The following SESN3 variants were observed in gnomAD, a reference collection of about 807,000 sequenced individuals.
SESN3 encodes sestrin 3.
In SESN3, 21 loss-of-function variants were observed where a neutral mutation model predicts 55.3. The observed-to-expected ratio is 0.38, with a 90% confidence interval of 0.27 to 0.55. SESN3 has a LOEUF of 0.55. SESN3 is among the 20% of genes least tolerant of loss of function. The probability of loss-of-function intolerance (pLI) is 0.76; values close to 1 mark genes in which losing one functional copy is unlikely to be tolerated. For missense variants in SESN3, 408 were observed against 604.3 expected (o/e 0.68, Z 3.41); for synonymous variants, 181 against 203.1 (o/e 0.89, Z 0.93).
intron 1 of SESN3, among the ~76,000 whole-genome samples, chr11:95,220,785 G>A (rs966057317): frequency 6.6e-6 from 1 of 152,152 alleles, no homozygotes; most frequent in African/African-American, 2.4e-5. Flanking sequence ...GTTCAACCTG[G>A]TTGCAAATCC....
Position 95,225,947 on chromosome 11 carries a change from G to C in SESN3, c.78+4836C>G, listed in dbSNP as rs561667496. Among the ~76,000 whole-genome samples, 26 of 150,830 alleles carry C rather than the reference G, an allele frequency of 1.7e-4. 1 individual carries two copies. The highest frequency in any genetic ancestry group is 6.3e-4 in the African/African-American group (26 of 41,000). Reference sequence around the variant, plus strand: ...TCAAGGAGGCAATTTAATTATTCGAGAATCAAAAGTCAATGCCTTGCTATT... The same window carrying C: ...TCAAGGAGGCAATTTAATTATTCGACAATCAAAAGTCAATGCCTTGCTATT... On this transcript the variant is annotated intron_variant, in intron 1 of 9. Transcript: ENST00000536441.
chr11:95,185,267 T>G lies in SESN3; in HGVS notation c.751A>C (p.Ser251Arg), dbSNP rs1279438411. Residue 251 changes from serine to arginine, a missense_variant, in exon 5 of 10, where the codon AGC (serine) becomes CGC (arginine). Transcript: ENST00000536441. Reference sequence around the variant, plus strand: ...CTAAGAAAACTAACCCCAAAGTTGCTGCCTGAAAGAGATGCATTCTCTATG... The same window carrying G: ...CTAAGAAAACTAACCCCAAAGTTGCGGCCTGAAAGAGATGCATTCTCTATG... ...NNIENASLSG[S>R]NFGIVDSLSE... The G allele has an allele frequency of 6.2e-7, 1 of 1,601,626 alleles. No individual in the cohort carries two copies. Among genetic ancestry groups the G allele is most frequent in the Non-Finnish European group, 8.5e-7 (1 of 1,170,056 alleles).
At chr11:95,223,859 G>A (rs1591080978) in intron 1 of SESN3, among the ~76,000 whole-genome samples, 1 of 152,208 alleles carries the variant, frequency 6.6e-6, no homozygotes, top group East Asian at 1.9e-4. Context: ...ACCCCAAAGA[G>A]CCTTTGTTTA....
chr11:95,231,325 G>A (rs1453805736), upstream of SESN3: 1 of 388,704 alleles, frequency 2.6e-6, no homozygotes, highest in East Asian at 3.7e-5. Flanking sequence ...AGCAACGAGA[G>A]CCCGACTGGG....
In SESN3 at chr11:95,166,255, C is replaced by T. The variant is rs978419894; in HGVS notation, c.*7000G>A. 2.8e-5 allele frequency: 4 copies of T among 142,510 alleles called. No homozygotes were observed. Among genetic ancestry groups the T allele is most frequent in the Non-Finnish European group, 6.2e-5 (4 of 64,244 alleles). 8.8% of individuals were successfully genotyped at this position (142,510 alleles called of 1,614,324 possible). A position where few individuals can be genotyped will look rare whatever the true frequency, so the allele number is the denominator to read the frequency against. On this transcript the variant is annotated 3_prime_UTR_variant, in exon 10 of 10. Coordinates refer to ENST00000536441, the MANE Select transcript of SESN3 (RefSeq NM_144665.4). The stretch of plus-strand genomic sequence containing the variant: ...CATCTGCCTTACATTAGTCCAGTCA[C>T]GTGCTTCGTAAAAAAAAAAAAAAAA...
intron 6 of SESN3, among the ~76,000 whole-genome samples, chr11:95,179,430 A>AT (rs1860021132): frequency 6.6e-6 from 1 of 151,976 alleles, no homozygotes. Flanking sequence ...CAGCTTAACC[A>AT]TTTTTTTGGT....
rs1859768027 is a variant in SESN3, at chr11:95,167,319, CT to C, written c.*5935del. On this transcript the variant is annotated 3_prime_UTR_variant, in exon 10 of 10. Transcript: ENST00000536441. ...TAGCAAAATTTACATAACAAAAATTCTATTCATCTTATTTAGACTTACTAAT... is the reference window on the plus strand; with the variant it reads ...TAGCAAAATTTACATAACAAAAATTCATTCATCTTATTTAGACTTACTAAT... 1 of 152,042 alleles carries C rather than the reference CT, an allele frequency of 6.6e-6. No individual in the cohort carries two copies. Among genetic ancestry groups the C allele is most frequent in the African/African-American group, 2.4e-5 (1 of 41,404 alleles). 9.4% of individuals were successfully genotyped at this position (152,042 alleles called of 1,614,324 possible). A position where few individuals can be genotyped will look rare whatever the true frequency, so the allele number is the denominator to read the frequency against.
chr11:95,219,690 A>T (rs1272554539), intron 1 of SESN3, among the ~76,000 whole-genome samples: 2 of 152,136 alleles, frequency 1.3e-5, no homozygotes, highest in Non-Finnish European at 2.9e-5. Flanking sequence ...AACTTCATTA[A>T]CACAGTTTTC....
chr11:95,217,102 T>C (rs1860772949), intron 1 of SESN3, among the ~76,000 whole-genome samples: 1 of 143,938 alleles, frequency 6.9e-6, no homozygotes, highest in Non-Finnish European at 1.5e-5. Flanking sequence ...CAAGACTCTG[T>C]CTCAAAAAAA....
At chr11:95,220,305 G>A (rs1007280003) in intron 1 of SESN3, among the ~76,000 whole-genome samples, 34 of 152,028 alleles carry the variant, frequency 2.2e-4, no homozygotes, top group East Asian at 1.2e-3. Context: ...GGTCCAATTC[G>A]CGAGACACAT....
intron 1 of SESN3, among the ~76,000 whole-genome samples, chr11:95,206,801 T>C (rs961877831): frequency 2.0e-5 from 3 of 150,924 alleles, no homozygotes; most frequent in Admixed American, 2.0e-4. Context: ...TAAACATTAC[T>C]ATTTTTTTTT....
intron 6 of SESN3, chr11:95,182,061 C>T (rs1397637017): frequency 8.5e-6 from 2 of 234,226 alleles, no homozygotes; most frequent in Non-Finnish European, 1.7e-5. Flanking sequence ...TAATTTTTGG[C>T]TAAGGTCCAA....
At chr11:95,202,314 CT>C (rs1448052783) in intron 1 of SESN3, among the ~76,000 whole-genome samples, 1 of 151,950 alleles carries the variant, frequency 6.6e-6, no homozygotes, top group African/African-American at 2.4e-5. Context: ...ATTTCTCCTC[CT>C]TGAACAGAAC....
chr11:95,202,466 G>A (rs1565470423), intron 1 of SESN3, among the ~76,000 whole-genome samples: 1 of 151,840 alleles, frequency 6.6e-6, no homozygotes, highest in African/African-American at 2.4e-5. Flanking sequence ...ATGCCTATTT[G>A]TTTATTTTCT....
intron 1 of SESN3, among the ~76,000 whole-genome samples, chr11:95,201,606 G>A (rs2134245205): frequency 6.6e-6 from 1 of 152,044 alleles, no homozygotes; most frequent in Non-Finnish European, 1.5e-5. Flanking sequence ...CCACTTCAAG[G>A]TAGCTCTAGA....
intron 9 of SESN3, among the ~76,000 whole-genome samples, chr11:95,174,631 G>A (rs1859920202): frequency 6.6e-6 from 1 of 151,954 alleles, no homozygotes; most frequent in African/African-American, 2.4e-5. Context: ...CAACAGGCAT[G>A]CACAACCATG....
In SESN3 at chr11:95,209,305, CAT is replaced by C. The variant is rs369092619; in HGVS notation, c.79-15785_79-15784del. Among the ~76,000 whole-genome samples, 812 of 151,302 alleles carry C rather than the reference CAT, an allele frequency of 5.4e-3. 18 individuals carry two copies. Among genetic ancestry groups the C allele is most frequent in the African/African-American group, 0.019 (765 of 41,262 alleles). ...AGAAGACATTTATGTGGTCAACAAA[CAT>C]ATGAAAAAAAAGCTCATCATCACTG... On this transcript the variant is annotated intron_variant, in intron 1 of 9. Transcript: ENST00000536441.
chr11:95,215,261 T>G (rs1591073730), intron 1 of SESN3, among the ~76,000 whole-genome samples: 1 of 102,464 alleles, frequency 9.8e-6, no homozygotes, highest in East Asian at 3.5e-4. Context: ...GGTCTAGGGG[T>G]GGGGGGTGGG....
At chr11:95,176,457 G>C (rs1430822998) in intron 8 of SESN3, among the ~76,000 whole-genome samples, 1 of 152,198 alleles carries the variant, frequency 6.6e-6, no homozygotes, top group Non-Finnish European at 1.5e-5. Context: ...GATTATGCTG[G>C]AGAGAGAAGG....
Sources: allele counts gnomAD v4.1 joint callset (sites outside exome capture counted in the v4.1 genomes callset), GRCh38; gene constraint gnomAD v4.1.1; transcripts MANE v1.5; gene names NCBI Gene and HGNC (gene_info 2026-07-23, HGNC 2026-07-21).